TTC38: variants seen among roughly 807,000 people sequenced by gnomAD.
The protein encoded by TTC38 is tetratricopeptide repeat protein 38.
In TTC38, 64 loss-of-function variants were observed where a neutral mutation model predicts 64.2. The observed-to-expected ratio is 1.00, with a 90% CI of 0.81 to 1.23. The LOEUF is 1.23. Among genes scored for constraint, TTC38 ranks in the 50% most tolerant of loss-of-function variants. The pLI is 0.00. For missense variants in TTC38, 573 were observed against 615.5 expected (o/e 0.93, Z 0.73); for synonymous variants, 254 against 249.3 (o/e 1.02, Z -0.18).
At position 46,291,897 on chromosome 22, in the gene TTC38, A is replaced by G. The variant is rs541301397; in HGVS notation, c.1317-894A>G. 1.3e-5 allele frequency among the ~76,000 whole-genome samples: 2 copies of G among 152,318 alleles called. No individual in the cohort carries two copies. The highest frequency in any genetic ancestry group is 2.4e-5 in the African/African-American group (1 of 41,586). On this transcript the variant is annotated intron_variant, in intron 13 of 13. Coordinates refer to ENST00000381031, the MANE Select transcript of TTC38 (RefSeq NM_017931.4). This position sits in a 1 kb window ranked among gnomAD's most constrained non-coding sequence, Gnocchi z 4.6. ...CTTGAACCTGGGAGGTGGAGGTTGCAGTGAGCCGAGATCGCGTCATTGCAC... is the reference window on the plus strand; with the variant it reads ...CTTGAACCTGGGAGGTGGAGGTTGCGGTGAGCCGAGATCGCGTCATTGCAC...
In TTC38 at chr22:46,268,846, G is replaced by A. The variant is rs1023813227; in HGVS notation, c.111+255G>A. 8 of 424,226 alleles carry A rather than the reference G, an allele frequency of 1.9e-5. No individual in the cohort carries two copies. The East Asian group carries it at 3.4e-4, about 18-fold the overall frequency. The allele number at this position is 424,226 out of a possible 1,614,324, so 26.3% of individuals were successfully genotyped here. On this transcript the variant is annotated intron_variant, in intron 2 of 13. Transcript: ENST00000381031. ...ACTACAGGCGCCCGCCACTGCCCTC[G>A]ACTAATTTTTTTTGTATTTTTTAGT...
intron 5 of TTC38, among the ~76,000 whole-genome samples, chr22:46,277,666 C>G (rs926103025): frequency 4.0e-4 from 60 of 148,556 alleles, no homozygotes; most frequent in Non-Finnish European, 1.0e-4. Flanking sequence ...TCAGCAGTGT[C>G]TTCTAGCCCA....
intron 6 of TTC38, among the ~76,000 whole-genome samples, chr22:46,280,525 C>T (rs2077526564): frequency 6.6e-6 from 1 of 152,270 alleles, no homozygotes; most frequent in South Asian, 2.1e-4. Flanking sequence ...AGGGTCCCGT[C>T]TCGGGGCCCC....
chr22:46,273,343 C>T lies in TTC38; in HGVS notation c.194-555C>T, dbSNP rs974197277. On this transcript the variant is annotated intron_variant, in intron 3 of 13. Coordinates refer to ENST00000381031, the MANE Select transcript of TTC38 (RefSeq NM_017931.4). The surrounding 1 kb of genome is among the most constrained non-coding windows in gnomAD (Gnocchi z 5.1). ...TGGGTCCCAGGCCTGAGCCAGTGAC[C>T]AAGTTCCAAATGCCAGTGGACACCC... is the stretch of plus-strand genomic sequence containing the variant. 1.3e-5 allele frequency among the ~76,000 whole-genome samples: 2 copies of T among 152,208 alleles called. No individual in the cohort carries two copies. The highest frequency in any genetic ancestry group is 2.4e-5 in the African/African-American group (1 of 41,460).
chr22:46,269,083 T>C (rs1263763963), intron 2 of TTC38: 4 of 383,738 alleles, frequency 1.0e-5, no homozygotes, highest in South Asian at 1.7e-5. Flanking sequence ...TGGGGACATA[T>C]CTCTGCCCCC....
chr22:46,291,079 T>C lies in TTC38; in HGVS notation c.1316+1180T>C, dbSNP rs9627388. On this transcript the variant is annotated intron_variant, in intron 13 of 13. Transcript: ENST00000381031. The surrounding 1 kb of genome is among the most constrained non-coding windows in gnomAD (Gnocchi z 4.6). ...AGGCAGGGTTACCCAAACTGAGCTG[T>C]ACAGGTTCTGTGGTACTCATGAAAC... Among the ~76,000 whole-genome samples, 1,027 of 152,306 alleles carry C rather than the reference T, an allele frequency of 6.7e-3. 13 individuals are homozygous for C. Among genetic ancestry groups the C allele is most frequent in the African/African-American group, 0.023 (967 of 41,552 alleles).
chr22:46,293,417 A>G lies in TTC38; in HGVS notation c.*533A>G, dbSNP rs1258057363. On this transcript the variant is annotated 3_prime_UTR_variant, in exon 14 of 14. Transcript: ENST00000381031. This position sits in a 1 kb window ranked among gnomAD's most constrained non-coding sequence, Gnocchi z 6.6. ...GGAGTGGCCTGCCCAGGGTCACACT[A>G]TGAGAGGCCCCCACCTGCTGCCTTT... The G allele has an allele frequency of 6.5e-6, 1 of 154,888 alleles. No homozygotes were observed. The highest frequency in any genetic ancestry group is 1.4e-5 in the Non-Finnish European group (1 of 69,584). The allele number at this position is 154,888 out of a possible 1,614,324, so 9.6% of individuals were successfully genotyped here.
intron 6 of TTC38, 125 bp downstream of exon 6, chr22:46,278,786 A>G: frequency 3.7e-6 from 3 of 812,512 alleles, no homozygotes; most frequent in Middle Eastern, 3.4e-4. Flanking sequence ...ACTTCCTCAG[A>G]GAGACTGGGG....
In TTC38 at chr22:46,291,457, G is replaced by A. The variant is rs1212475863; in HGVS notation, c.1317-1334G>A. On this transcript the variant is annotated intron_variant, in intron 13 of 13. Transcript: ENST00000381031. The surrounding 1 kb of genome is among the most constrained non-coding windows in gnomAD (Gnocchi z 4.6). ...GACGTGGAGGGGGCCTTCTCTCCAA[G>A]TCCTGTCCTGCTACCAGGCAGCATC... is the stretch of plus-strand genomic sequence containing the variant. Among the ~76,000 whole-genome samples the A allele has an allele frequency of 2.0e-5, 3 of 152,160 alleles. No individual in the cohort carries two copies. Among genetic ancestry groups the A allele is most frequent in the African/African-American group, 7.2e-5 (3 of 41,440 alleles).
rs755905948 is a variant in TTC38 at position 46,288,441 on chromosome 22, G to A, written c.935G>A (p.Arg312Gln). Reference sequence around the variant, plus strand: ...TCCTCAGGAGTGTCTGTGGGCCAGCGGTGGCAGGATGTCCTGCCTGTGGCC... The same window carrying A: ...TCCTCAGGAGTGTCTGTGGGCCAGCAGTGGCAGGATGTCCTGCCTGTGGCC... ...LQMEGVSVGQ[R>Q]WQDVLPVARK... The change falls in exon 11 of 14, where the codon CGG becomes CAG. Residue 312 changes from arginine to glutamine, a missense_variant. By Grantham distance (43) the Arg-to-Gln change is conservative. Around this residue, in one of 3 missense-constraint regions of TTC38, gnomAD observed 371 missense variants for 381.8 expected, o/e 0.97. Coordinates refer to ENST00000381031, the MANE Select transcript of TTC38 (RefSeq NM_017931.4). The A allele has an allele frequency of 1.4e-5, 23 of 1,613,722 alleles. No homozygotes were observed. The highest frequency in any genetic ancestry group is 5.5e-5 in the South Asian group (5 of 91,084).
rs1321639917 is a variant in TTC38 at position 46,274,585 on chromosome 22, G to T, written c.365+516G>T. ...GAGTTAGGCGACCCTAGCCGATTGT[G>T]CAGGGACTCAGGGATTCCGAACCCT... On this transcript the variant is annotated intron_variant, in intron 4 of 13. Transcript: ENST00000381031. The surrounding 1 kb of genome is among the most constrained non-coding windows in gnomAD (Gnocchi z 4.8). 6.6e-6 allele frequency among the ~76,000 whole-genome samples: 1 copy of T among 152,240 alleles called. No individual in the cohort carries two copies. Among genetic ancestry groups the T allele is most frequent in the Non-Finnish European group, 1.5e-5 (1 of 68,044 alleles).
Position 46,276,731 on chromosome 22 carries a change from A to T in TTC38, c.539+1310A>T, listed in dbSNP as rs1006356647. Among the ~76,000 whole-genome samples the T allele has an allele frequency of 1.3e-4, 17 of 135,964 alleles. No homozygotes were observed. Among genetic ancestry groups the T allele is most frequent in the East Asian group, 1.9e-4 (1 of 5,132 alleles). The allele number at this position is 135,964 out of a possible 152,430, so 89.2% of individuals were successfully genotyped here. A position where few individuals can be genotyped will look rare whatever the true frequency, so the allele number is the denominator to read the frequency against. ...TATATATATTAAAAATATATATATT[A>T]AAAAAATATATATAAAATACATATA... On this transcript the variant is annotated intron_variant, in intron 5 of 13. Coordinates refer to ENST00000381031, the MANE Select transcript of TTC38 (RefSeq NM_017931.4). This position sits in a 1 kb window ranked among gnomAD's most constrained non-coding sequence, Gnocchi z 4.7.
rs1038725512 is a variant in TTC38, at chr22:46,276,535, A to G, written c.539+1114A>G. 5.3e-5 allele frequency among the ~76,000 whole-genome samples: 8 copies of G among 151,694 alleles called. No individual in the cohort carries two copies. Among genetic ancestry groups the G allele is most frequent in the African/African-American group, 1.9e-4 (8 of 41,248 alleles). On this transcript the variant is annotated intron_variant, in intron 5 of 13. Transcript: ENST00000381031. The surrounding 1 kb of genome is among the most constrained non-coding windows in gnomAD (Gnocchi z 4.7). ...GACTCTGTCTCTACAAAAAGAAAAA[A>G]TAAATTAAAAAAGTTAGCCAGGCAT...
chr22:46,282,181 G>A lies in TTC38; in HGVS notation c.735+463G>A, dbSNP rs1440641499. 2.9e-6 allele frequency: 1 copy of A among 340,302 alleles called. No homozygotes were observed. Among genetic ancestry groups the A allele is most frequent in the South Asian group, 2.2e-5 (1 of 45,870 alleles). The allele number at this position is 340,302 out of a possible 1,614,324, so 21.1% of individuals were successfully genotyped here. On this transcript the variant is annotated intron_variant, in intron 7 of 13. Transcript: ENST00000381031. This position sits in a 1 kb window ranked among gnomAD's most constrained non-coding sequence, Gnocchi z 4.4. ...GTGCCACACAGAGGGGGAAGATGGA[G>A]GGCATCCTAGCCCGTCACTAGCTTG...
intron 8 of TTC38, among the ~76,000 whole-genome samples, chr22:46,284,732 A>G (rs1195748030): frequency 6.6e-6 from 1 of 151,974 alleles, no homozygotes; most frequent in Non-Finnish European, 1.5e-5. Context: ...TACAAAAATT[A>G]GCCGGGCATG....
At position 46,275,269 on chromosome 22, in the gene TTC38, A is replaced by T. The variant is rs757263253; in HGVS notation, c.387A>T (p.Glu129Asp). The change falls in exon 5 of 14, where the codon GAA becomes GAT. Residue 129 changes from glutamate to aspartate, a missense_variant. Coordinates refer to ENST00000381031, the MANE Select transcript of TTC38 (RefSeq NM_017931.4). This position sits in a 1 kb window ranked among gnomAD's most constrained non-coding sequence, Gnocchi z 4.5. ...FANGNFPKAC[E>D]LWEQILQDHP... ...CCAGGAACTTTCCGAAAGCCTGTGAACTATGGGAACAGATTCTCCAGGACC... is the reference window on the plus strand; with the variant it reads ...CCAGGAACTTTCCGAAAGCCTGTGATCTATGGGAACAGATTCTCCAGGACC... The T allele has an allele frequency of 3.7e-6, 6 of 1,613,696 alleles. No homozygotes were observed. The highest frequency in any genetic ancestry group is 3.4e-6 in the Non-Finnish European group (4 of 1,179,896).
chr22:46,272,442 G>A lies in TTC38; in HGVS notation c.193+26G>A. 6.3e-7 allele frequency: 1 copy of A among 1,579,960 alleles called. No individual in the cohort carries two copies. Among genetic ancestry groups the A allele is most frequent in the Admixed American group, 1.7e-5 (1 of 59,910 alleles). ...GTGAGTAACGCCTTCCCTGGGTGGA[G>A]GAGCCCCGCTTCACACATCCAGCCC... On this transcript the variant is annotated intron_variant, in intron 3 of 13. Transcript: ENST00000381031. The surrounding 1 kb of genome is among the most constrained non-coding windows in gnomAD (Gnocchi z 6.4).
chr22:46,273,832 AGTCTGGGCTGGGATG>A lies in TTC38; in HGVS notation c.194-64_194-50del. The stretch of plus-strand genomic sequence containing the variant: ...CGTGGGGTGTCTCTGTGACATGTGG[AGTCTGGGCTGGGATG>A]GGCTGAGCTGGACCATCTGAACCAC... On this transcript the variant is annotated intron_variant, in intron 3 of 13. Coordinates refer to ENST00000381031, the MANE Select transcript of TTC38 (RefSeq NM_017931.4). This position sits in a 1 kb window ranked among gnomAD's most constrained non-coding sequence, Gnocchi z 5.1. 6.5e-7 allele frequency: 1 copy of A among 1,545,216 alleles called. No homozygotes were observed. The highest frequency in any genetic ancestry group is 1.7e-5 in the Admixed American group (1 of 58,400).
Position 46,282,981 on chromosome 22 carries a change from T to G in TTC38, c.736-992T>G, listed in dbSNP as rs912269343. ...TCTCTCTCTGTCGCCCAAGGTGGAG[T>G]GCAGTGGCACAATCAGGGCTCACCG... is the stretch of plus-strand genomic sequence containing the variant. On this transcript the variant is annotated intron_variant, in intron 7 of 13. Transcript: ENST00000381031. The surrounding 1 kb of genome is among the most constrained non-coding windows in gnomAD (Gnocchi z 4.4). 2.6e-5 allele frequency among the ~76,000 whole-genome samples: 4 copies of G among 152,086 alleles called. No individual in the cohort carries two copies. The highest frequency in any genetic ancestry group is 2.1e-4 in the South Asian group (1 of 4,824).
Sources: gnomAD v4.1 joint callset for allele counts (sites outside exome capture counted in the v4.1 genomes callset) on GRCh38, gnomAD v4.1.1 for gene constraint, gnomAD v4.1.1 regional missense constraint, Gnocchi (gnomAD v3.1) non-coding constraint, MANE v1.5 for transcripts, NCBI Gene and HGNC (gene_info 2026-07-23, HGNC 2026-07-21) for gene names.